Variants in PAWR observed in about 807,000 individuals in gnomAD.
PAWR encodes the protein pro-apoptotic WT1 regulator.
In PAWR, 23 loss-of-function variants were observed where a neutral mutation model predicts 32.0. The ratio of observed to expected loss-of-function variants is 0.72; its 90% CI spans 0.52 to 1.02. PAWR has a LOEUF of 1.02. PAWR is among the 50% of genes least tolerant of loss of function. The pLI is 0.00. For synonymous variants in PAWR, 226 were observed against 187.1 expected, an observed-to-expected ratio of 1.21 and a Z score of -1.70; for missense variants, 457 against 437.7, an observed-to-expected ratio of 1.04 and a Z score of -0.39.
At chr12:79,688,965 A>G (rs1419227673) in intron 2 of PAWR, among the ~76,000 whole-genome samples, 2 of 152,160 alleles carry the variant, frequency 1.3e-5, no homozygotes, top group South Asian at 2.1e-4. Context: ...AGTCACTCTA[A>G]TGGAAGATGC....
chr12:79,616,163 T>C (rs1360102410), intron 3 of PAWR, among the ~76,000 whole-genome samples: 3 of 151,978 alleles, frequency 2.0e-5, no homozygotes, highest in East Asian at 1.9e-4. Context: ...TATTACCCTA[T>C]ATGAACTAAA....
intron 2 of PAWR, among the ~76,000 whole-genome samples, chr12:79,639,881 T>TTCCCATTCC: frequency 8.9e-6 from 1 of 112,542 alleles, no homozygotes; most frequent in African/African-American, 5.1e-5. Context: ...TTCCTATTCC[T>TTCCCATTCC]ATTCCATTCC....
intron 2 of PAWR, among the ~76,000 whole-genome samples, chr12:79,649,555 C>T (rs532508375): frequency 1.4e-4 from 21 of 151,994 alleles, no homozygotes; most frequent in African/African-American, 4.1e-4. Flanking sequence ...GAGAGGCCCA[C>T]GCAGAAGGAT....
chr12:79,669,591 AC>A (rs1877784838), intron 2 of PAWR, among the ~76,000 whole-genome samples: 1 of 152,218 alleles, frequency 6.6e-6, no homozygotes, highest in Non-Finnish European at 1.5e-5. Flanking sequence ...GATAATCTAA[AC>A]TTAGTTGAGT....
At chr12:79,637,665 CTA>C (rs1876027239) in intron 2 of PAWR, among the ~76,000 whole-genome samples, 1 of 151,770 alleles carries the variant, frequency 6.6e-6, no homozygotes, top group Non-Finnish European at 1.5e-5. Flanking sequence ...ACGTATTAAT[CTA>C]TGTTATAATG....
chr12:79,645,187 T>C (rs1876516479), intron 2 of PAWR, among the ~76,000 whole-genome samples: 1 of 152,152 alleles, frequency 6.6e-6, no homozygotes, highest in Non-Finnish European at 1.5e-5. Flanking sequence ...TACTTAAGAA[T>C]GAAGTAAAAA....
In PAWR at chr12:79,585,241, T is replaced by G. The variant is rs1338158466; in HGVS notation, c.*7366A>C. On this transcript the variant is annotated 3_prime_UTR_variant, in exon 7 of 7. Coordinates refer to ENST00000328827, the MANE Select transcript of PAWR (RefSeq NM_002583.4). ...AAAGACCAAGATCTTTGCTTAAAAA[T>G]AGAAATGCATACTGCAGTGGCTCAA... 3.3e-5 allele frequency: 14 copies of G among 423,718 alleles called. No individual in the cohort carries two copies. Among genetic ancestry groups the G allele is most frequent in the Non-Finnish European group, 5.5e-5 (12 of 216,590 alleles). 26.2% of individuals were successfully genotyped at this position (423,718 alleles called of 1,614,324 possible). A position where few individuals can be genotyped will look rare whatever the true frequency, so the allele number is the denominator to read the frequency against.
chr12:79,585,908 G>A lies in PAWR; in HGVS notation c.*6699C>T, dbSNP rs1873373205. ...TTTTTTGTATAGACGGCATAACCCT[G>A]TGTTACCCCGTTGGTATTACAGGCA... On this transcript the variant is annotated 3_prime_UTR_variant, in exon 7 of 7. Coordinates refer to ENST00000328827, the MANE Select transcript of PAWR (RefSeq NM_002583.4). The A allele has an allele frequency of 6.6e-6, 1 of 152,018 alleles. No homozygotes were observed. Among genetic ancestry groups the A allele is most frequent in the Admixed American group, 6.6e-5 (1 of 15,254 alleles). The allele number at this position is 152,018 out of a possible 1,614,324, so 9.4% of individuals were successfully genotyped here. A position where few individuals can be genotyped will look rare whatever the true frequency, so the allele number is the denominator to read the frequency against.
chr12:79,675,456 T>A (rs1355233889), intron 2 of PAWR, among the ~76,000 whole-genome samples: 1 of 152,086 alleles, frequency 6.6e-6, no homozygotes. Flanking sequence ...GCAGCACTAT[T>A]CACAATAGCA....
chr12:79,689,734 C>A lies in PAWR; in HGVS notation c.511G>T (p.Ala171Ser). Reference protein sequence around the residue: ...RSTGVVNIPAAECLDEYEDDE... With the variant: ...RSTGVVNIPASECLDEYEDDE... ...GCGGCCCCCGCCCGGCTCACCTCTG[C>A]GGCAGGGATGTTGACCACGCCGGTG... The change falls in exon 2 of 7, where the codon GCA becomes TCA. Residue 171 changes from alanine to serine, a missense_variant. Physicochemically the swap from Ala to Ser is moderately conservative, Grantham distance 99. Transcript: ENST00000328827. The A allele has an allele frequency of 6.4e-7, 1 of 1,557,216 alleles. No individual in the cohort carries two copies.
Position 79,687,444 on chromosome 12 carries a change from A to G in PAWR, c.516+2285T>C, listed in dbSNP as rs1038143881. Among the ~76,000 whole-genome samples, 9 of 152,218 alleles carry G rather than the reference A, an allele frequency of 5.9e-5. 1 individual carries two copies. The South Asian group carries it at 1.9e-3, about 31-fold the overall frequency. On this transcript the variant is annotated intron_variant, in intron 2 of 6. Coordinates refer to ENST00000328827, the MANE Select transcript of PAWR (RefSeq NM_002583.4). ...TATCCACCATTAAAACCAGATCTCTACATATGAACTACATGTTAATCTACT... is the reference window on the plus strand; with the variant it reads ...TATCCACCATTAAAACCAGATCTCTGCATATGAACTACATGTTAATCTACT...
intron 2 of PAWR, among the ~76,000 whole-genome samples, chr12:79,672,788 A>G (rs1024674161): frequency 3.3e-5 from 5 of 152,154 alleles, no homozygotes; most frequent in African/African-American, 4.8e-5. Flanking sequence ...AGAGAAAATA[A>G]AATAATCCTA....
chr12:79,690,492 G>T, intron 1 of PAWR, 101 bp from the exon 2 acceptor site: 1 of 631,882 alleles, frequency 1.6e-6, no homozygotes, highest in Non-Finnish European at 2.3e-6. Context: ...CCTCGAGCGC[G>T]CCCACCAGTC....
chr12:79,664,892 A>G (rs1877531411), intron 2 of PAWR, among the ~76,000 whole-genome samples: 1 of 152,176 alleles, frequency 6.6e-6, no homozygotes, highest in Non-Finnish European at 1.5e-5. Context: ...CTGTAAACCA[A>G]AAATGTAGTG....
In PAWR at chr12:79,592,083, T is replaced by C. The variant is rs532480644; in HGVS notation, c.*524A>G. ...TTATAAGAGCTTTCCTTTTAAAAGG[T>C]TGCTGTTATAAAAAAGTATGACTCT... On this transcript the variant is annotated 3_prime_UTR_variant, in exon 7 of 7. Coordinates refer to ENST00000328827, the MANE Select transcript of PAWR (RefSeq NM_002583.4). 6.6e-6 allele frequency: 1 copy of C among 152,654 alleles called. No individual in the cohort carries two copies. Among genetic ancestry groups the C allele is most frequent in the Non-Finnish European group, 1.5e-5 (1 of 67,982 alleles). The allele number at this position is 152,654 out of a possible 1,614,324, so 9.5% of individuals were successfully genotyped here. A position where few individuals can be genotyped will look rare whatever the true frequency, so the allele number is the denominator to read the frequency against.
intron 2 of PAWR, among the ~76,000 whole-genome samples, chr12:79,682,582 A>C (rs1409591788): frequency 6.6e-6 from 1 of 152,210 alleles, no homozygotes; most frequent in Non-Finnish European, 1.5e-5. Flanking sequence ...TGACATGCTA[A>C]GATTTGAACT....
intron 4 of PAWR, among the ~76,000 whole-genome samples, chr12:79,608,786 T>C (rs144152425): frequency 1.5e-3 from 228 of 152,342 alleles, no homozygotes; most frequent in African/African-American, 5.2e-3. Context: ...GGCTCATGAC[T>C]GTAATCCCAG....
intron 1 of PAWR, 138 bp from the exon 2 acceptor site, chr12:79,690,529 C>T: frequency 2.7e-6 from 1 of 375,806 alleles, no homozygotes; most frequent in Non-Finnish European, 4.6e-6. Flanking sequence ...CGCCGGGTCC[C>T]CACCCTGCAA....
At chr12:79,640,106 T>G (rs1347835697) in intron 2 of PAWR, among the ~76,000 whole-genome samples, 1 of 152,140 alleles carries the variant, frequency 6.6e-6, no homozygotes, top group Non-Finnish European at 1.5e-5. Flanking sequence ...GGTTTCACCA[T>G]GTTAGCCAGG....
Sources: gnomAD v4.1 joint callset for allele counts (sites outside exome capture counted in the v4.1 genomes callset) on GRCh38, gnomAD v4.1.1 for gene constraint, MANE v1.5 for transcripts, NCBI Gene and HGNC (gene_info 2026-07-23, HGNC 2026-07-21) for gene names.